Variants in CEP85L observed in about 807,000 individuals in gnomAD.
CEP85L encodes the protein centrosomal protein of 85 kDa-like.
In CEP85L, 60 loss-of-function variants were observed where a neutral mutation model predicts 100.3. That is an observed-to-expected ratio of 0.60 (90% CI 0.49 to 0.74). The LOEUF (loss-of-function observed/expected upper bound fraction) is 0.74. Among genes scored for constraint, CEP85L ranks in the 30% least tolerant of loss-of-function variants. The probability of loss-of-function intolerance (pLI) is 0.00; values close to 1 mark genes in which losing one functional copy is unlikely to be tolerated. For synonymous variants in CEP85L, 319 were observed against 322.7 expected, an observed-to-expected ratio of 0.99 and a Z score of 0.12; for missense variants, 973 against 936.2, an observed-to-expected ratio of 1.04 and a Z score of -0.51.
In CEP85L at chr6:118,651,568, C is replaced by G; in HGVS notation, c.-299G>C. ...TGAGCCCAGGCTCAAAGGCTCCAGG[C>G]GAAGTTGCAGCTGCGGGTTCTCTCC... On this transcript the variant is annotated 5_prime_UTR_variant, in exon 1 of 13. Transcript: ENST00000368491. 1.7e-6 allele frequency: 2 copies of G among 1,175,448 alleles called. No individual in the cohort carries two copies. Among genetic ancestry groups the G allele is most frequent in the Non-Finnish European group, 1.1e-6 (1 of 951,028 alleles). 72.8% of individuals were successfully genotyped at this position (1,175,448 alleles called of 1,614,324 possible). A position where few individuals can be genotyped will look rare whatever the true frequency, so the allele number is the denominator to read the frequency against.
At chr6:118,505,982 G>A (rs902393537) in intron 5 of CEP85L, among the ~76,000 whole-genome samples, 1 of 152,168 alleles carries the variant, frequency 6.6e-6, no homozygotes, top group South Asian at 2.1e-4. Flanking sequence ...GAGCACGTGT[G>A]AAGATATGGA....
intron 6 of CEP85L, among the ~76,000 whole-genome samples, chr6:118,486,856 C>T (rs1774220120): frequency 6.6e-6 from 1 of 152,100 alleles, no homozygotes; most frequent in African/African-American, 2.4e-5. Flanking sequence ...ATCTCTCTCT[C>T]TCTCATTGTT....
intron 3 of CEP85L, among the ~76,000 whole-genome samples, chr6:118,544,948 C>T (rs1313470245): frequency 6.6e-6 from 1 of 152,130 alleles, no homozygotes; most frequent in African/African-American, 2.4e-5. Flanking sequence ...TCCTTCCCTA[C>T]GTAGCTTTAA....
At position 118,612,660 on chromosome 6, in the gene CEP85L, C is replaced by CAA. The variant is rs56271635; in HGVS notation, c.232+19791_232+19792dup. ...TGGGCGACAGAGTGAGACTCTGTCT[C>CAA]AAAAAAAAAAAAAAGCGGGGGGGGG... On this transcript the variant is annotated intron_variant, in intron 2 of 12. Transcript: ENST00000368491. 5.0e-3 allele frequency among the ~76,000 whole-genome samples: 230 copies of CAA among 45,770 alleles called. 16 individuals are homozygous for CAA. Among genetic ancestry groups the CAA allele is most frequent in the African/African-American group, 0.016 (204 of 12,980 alleles). The allele number at this position is 45,770 out of a possible 152,430, so 30.0% of individuals were successfully genotyped here.
intron 7 of CEP85L, among the ~76,000 whole-genome samples, chr6:118,483,216 C>G (rs1773917605): frequency 6.6e-6 from 1 of 151,152 alleles, no homozygotes; most frequent in Non-Finnish European, 1.5e-5. Context: ...AGGAGAAAGA[C>G]TCTGAGGTAT....
chr6:118,567,499 A>G (rs1779623228), intron 2 of CEP85L, among the ~76,000 whole-genome samples: 1 of 152,046 alleles, frequency 6.6e-6, no homozygotes, highest in Non-Finnish European at 1.5e-5. Flanking sequence ...TAAATACTCA[A>G]TAAATTTACC....
chr6:118,563,101 C>T (rs1779317828), intron 3 of CEP85L, among the ~76,000 whole-genome samples: 1 of 152,034 alleles, frequency 6.6e-6, no homozygotes, highest in African/African-American at 2.4e-5. Flanking sequence ...GATGTACTAC[C>T]GAGGAAAGAG....
At chr6:118,685,568 A>G (rs750137581) in intron 1 of CEP85L, among the ~76,000 whole-genome samples, 105 of 152,348 alleles carry the variant, frequency 6.9e-4, no homozygotes, top group Non-Finnish European at 1.2e-3. Flanking sequence ...TTTATTTTTC[A>G]TGAAATAAAC....
At chr6:118,613,788 T>C (rs1044221341) in intron 2 of CEP85L, among the ~76,000 whole-genome samples, 7 of 137,902 alleles carry the variant, frequency 5.1e-5, no homozygotes, top group Admixed American at 1.5e-4. Flanking sequence ...GGGCCCAGAG[T>C]GTTTCACTGA....
chr6:118,470,877 A>T lies in CEP85L; in HGVS notation c.1915-233T>A, dbSNP rs568697520. ...TCCCAGAATACATTTGGATTTTTTTAAATTACAGTTTTTACCAAGGAAGTT... is the reference window on the plus strand; with the variant it reads ...TCCCAGAATACATTTGGATTTTTTTTAATTACAGTTTTTACCAAGGAAGTT... On this transcript the variant is annotated intron_variant, in intron 10 of 12. Transcript: ENST00000368491. Among the ~76,000 whole-genome samples, 129 of 152,264 alleles carry T rather than the reference A, an allele frequency of 8.5e-4. 3 individuals are homozygous for T. Among genetic ancestry groups the T allele is most frequent in the Non-Finnish European group, 7.1e-4 (48 of 67,950 alleles).
At chr6:118,690,808 G>A (rs1419075553) in intron 1 of CEP85L, among the ~76,000 whole-genome samples, 2 of 152,108 alleles carry the variant, frequency 1.3e-5, no homozygotes, top group Non-Finnish European at 2.9e-5. Context: ...AGACCAGCCT[G>A]GGCAACATAT....
chr6:118,707,073 A>G (rs1238013069), intron 1 of CEP85L, among the ~76,000 whole-genome samples: 1 of 152,276 alleles, frequency 6.6e-6, no homozygotes, highest in Non-Finnish European at 1.5e-5. Context: ...TCTCTCCTGG[A>G]GAGAGATCAC....
At chr6:118,539,882 A>C (rs1198585359) in intron 3 of CEP85L, among the ~76,000 whole-genome samples, 2 of 152,038 alleles carry the variant, frequency 1.3e-5, no homozygotes, top group Non-Finnish European at 2.9e-5. Context: ...CTATCTGTGC[A>C]GTTATGGGTC....
Position 118,577,242 on chromosome 6 carries a change from G to T in CEP85L, c.233-10926C>A, listed in dbSNP as rs192429798. On this transcript the variant is annotated intron_variant, in intron 2 of 12. Coordinates refer to ENST00000368491, the MANE Select transcript of CEP85L (RefSeq NM_001042475.3). Reference sequence around the variant, plus strand: ...ACAGCTAACCAATCAGTCTGCCCTTGTTCATCCCCAAGCAGATGTATGGTG... The same window carrying T: ...ACAGCTAACCAATCAGTCTGCCCTTTTTCATCCCCAAGCAGATGTATGGTG... Among the ~76,000 whole-genome samples the T allele has an allele frequency of 5.6e-4, 86 of 152,238 alleles. No individual in the cohort carries two copies. The South Asian group carries it at 6.7e-3, about 12-fold the overall frequency.
chr6:118,671,117 T>C lies in CEP85L; in HGVS notation c.-27-18309A>G, dbSNP rs534994295. ...CTCTGGTTTCAGCAACTGGAGAAAC[T>C]ATGTTATCGTAAGCAATTGGTTTGT... On this transcript the variant is annotated intron_variant, in intron 1 of 13. Transcript: ENST00000368488. 9.5e-4 allele frequency among the ~76,000 whole-genome samples: 144 copies of C among 152,340 alleles called. 1 individual carries two copies. The highest frequency in any genetic ancestry group is 3.4e-3 in the Middle Eastern group (1 of 294).
At chr6:118,480,056 C>A in intron 9 of CEP85L, 135 bp from the exon 10 acceptor site, 1 of 572,658 alleles carries the variant, frequency 1.7e-6, no homozygotes, top group South Asian at 2.4e-5. Context: ...TGAAAGTATC[C>A]TTATGATTTG....
At chr6:118,608,474 G>A (rs900363087) in intron 2 of CEP85L, among the ~76,000 whole-genome samples, 25 of 150,992 alleles carry the variant, frequency 1.7e-4, no homozygotes, top group Admixed American at 1.2e-3. Context: ...CAGCCTGGGC[G>A]ACAGAGCAAG....
At position 118,475,351 on chromosome 6, in the gene CEP85L, T is replaced by A. The variant is rs12205112; in HGVS notation, c.1914+4520A>T. ...GGTGGGTGAATTGTAGGTGACATTT[T>A]TTTTTTTTTTTTTTTTTTTTTGAGA... is the stretch of plus-strand genomic sequence containing the variant. On this transcript the variant is annotated intron_variant, in intron 10 of 12. Coordinates refer to ENST00000368491, the MANE Select transcript of CEP85L (RefSeq NM_001042475.3). Among the ~76,000 whole-genome samples, 776 of 67,238 alleles carry A rather than the reference T, an allele frequency of 0.012. 39 individuals carry two copies. In the East Asian group the frequency reaches 0.17, roughly 15 times the overall value. 44.1% of individuals were successfully genotyped at this position (67,238 alleles called of 152,430 possible).
At chr6:118,604,244 C>A (rs1412221179) in intron 2 of CEP85L, among the ~76,000 whole-genome samples, 1 of 152,118 alleles carries the variant, frequency 6.6e-6, no homozygotes, top group Non-Finnish European at 1.5e-5. Flanking sequence ...ATTCTTATAA[C>A]CCTTTACATT....
Sources: gnomAD v4.1 joint callset for allele counts (sites outside exome capture counted in the v4.1 genomes callset) on GRCh38, gnomAD v4.1.1 for gene constraint, MANE v1.5 for transcripts, NCBI Gene and HGNC (gene_info 2026-07-23, HGNC 2026-07-21) for gene names.